Variants in PTCH1 observed in about 807,000 individuals in gnomAD.
PTCH1 encodes protein patched homolog 1.
A neutral mutation model predicts 144.6 loss-of-function variants in PTCH1; 14 were observed. The ratio of observed to expected loss-of-function variants is 0.10; its 90% CI spans 0.06 to 0.15. The LOEUF (loss-of-function observed/expected upper bound fraction) is 0.15, where lower values mean the gene tolerates loss of function less well. Among genes scored for constraint, PTCH1 ranks in the 10% least tolerant of loss-of-function variants. The pLI, the probability that PTCH1 is intolerant of heterozygous loss-of-function variation, is 1.00. For missense variants in PTCH1, 1,623 were observed against 1,948.3 expected, an observed-to-expected ratio of 0.83 and a Z score of 3.14; for synonymous variants, 833 against 793.6, an observed-to-expected ratio of 1.05 and a Z score of -0.83.
rs1554687587 is a variant in PTCH1, at chr9:95,445,644, G to GAAAT, written c.*748_*749insATTT. The GAAAT allele has an allele frequency of 7.0e-3, 1,072 of 152,422 alleles. 8 individuals carry two copies. The highest frequency in any genetic ancestry group is 0.029 in the East Asian group (152 of 5,180). 9.4% of individuals were successfully genotyped at this position (152,422 alleles called of 1,614,324 possible). A position where few individuals can be genotyped will look rare whatever the true frequency, so the allele number is the denominator to read the frequency against. The stretch of plus-strand genomic sequence containing the variant: ...GTTTAGGGCCAGCCCTCACCAGCAC[G>GAAAT]AAGAAAAGATATCCTGACGCTTCCA... On this transcript the variant is annotated 3_prime_UTR_variant, in exon 24 of 24. Transcript: ENST00000331920.
At chr9:95,515,802 C>T (rs1844337270) in intron 1 of PTCH1, among the ~76,000 whole-genome samples, 1 of 152,236 alleles carries the variant, frequency 6.6e-6, no homozygotes, top group Non-Finnish European at 1.5e-5. Flanking sequence ...CCAAAAGCCT[C>T]TCTGGCCCTT....
chr9:95,452,307 A>G (rs1321528646), intron 20 of PTCH1: 1 of 140,526 alleles, frequency 7.1e-6, no homozygotes, highest in Non-Finnish European at 1.5e-5. Context: ...ACTTGAAGAT[A>G]AGAAGCGTAT....
intron 2 of PTCH1, among the ~76,000 whole-genome samples, chr9:95,489,540 G>A (rs769286536): frequency 1.1e-4 from 16 of 151,988 alleles, no homozygotes; most frequent in African/African-American, 3.1e-4. Context: ...GGGTAGATAC[G>A]GGGGCCTCAC....
intron 20 of PTCH1, 116 bp from the exon 21 acceptor site, chr9:95,450,056 G>T: frequency 1.1e-6 from 1 of 923,652 alleles, no homozygotes; most frequent in Non-Finnish European, 1.7e-6. Flanking sequence ...CCACCCCACT[G>T]AAAAGGCTGT....
intron 19 of PTCH1, 142 bp from the exon 20 acceptor site, chr9:95,453,762 A>T (rs1389298700): frequency 9.0e-7 from 1 of 1,107,350 alleles, no homozygotes; most frequent in Non-Finnish European, 1.3e-6. Context: ...GAGTAGCTCA[A>T]CTAGCAGCAC....
intron 12 of PTCH1, among the ~76,000 whole-genome samples, chr9:95,474,960 T>C (rs1237150277): frequency 1.3e-5 from 2 of 152,040 alleles, no homozygotes; most frequent in Non-Finnish European, 2.9e-5. Context: ...GAATTAGACA[T>C]CATATCATCA....
Position 95,507,203 on chromosome 9 carries a change from A to C in PTCH1, c.202-604T>G, listed in dbSNP as rs1055208790. On this transcript the variant is annotated intron_variant, in intron 1 of 23. Coordinates refer to ENST00000331920, the MANE Select transcript of PTCH1 (RefSeq NM_000264.5). ...GAGAGGCTGTGTGAGCTGAATTAGG[A>C]AGTGGGGCAGCCAGCTGCAACTTAC... 5.1e-6 allele frequency: 5 copies of C among 985,422 alleles called. No homozygotes were observed. The African/African-American group carries it at 8.7e-5, about 17-fold the overall frequency. 61.0% of individuals were successfully genotyped at this position (985,422 alleles called of 1,614,324 possible). A position where few individuals can be genotyped will look rare whatever the true frequency, so the allele number is the denominator to read the frequency against.
At chr9:95,461,714 C>A in intron 16 of PTCH1, 142 bp downstream of exon 16, 1 of 1,180,860 alleles carries the variant, frequency 8.5e-7, no homozygotes. Flanking sequence ...GAATTAGAGT[C>A]ACCCAATATT....
chr9:95,466,055 A>C (rs1839968048), intron 15 of PTCH1, among the ~76,000 whole-genome samples: 1 of 152,092 alleles, frequency 6.6e-6, no homozygotes, highest in Admixed American at 6.5e-5. Context: ...TTATTTATTT[A>C]TTATTTTTGG....
At chr9:95,494,065 C>G (rs1004748139) in intron 2 of PTCH1, among the ~76,000 whole-genome samples, 4 of 151,970 alleles carry the variant, frequency 2.6e-5, no homozygotes, top group Admixed American at 2.0e-4. Flanking sequence ...GACACCCCCA[C>G]CTGCCCACGG....
chr9:95,465,498 TTAA>T (rs551022486), intron 15 of PTCH1, among the ~76,000 whole-genome samples: 4 of 152,322 alleles, frequency 2.6e-5, no homozygotes, highest in Admixed American at 2.6e-4. Context: ...CAGGAGGGTG[TTAA>T]TAAATAATAA....
intron 2 of PTCH1, among the ~76,000 whole-genome samples, chr9:95,487,741 C>A (rs946988437): frequency 6.6e-6 from 1 of 152,244 alleles, no homozygotes; most frequent in Non-Finnish European, 1.5e-5. Flanking sequence ...CCCATTGTTA[C>A]TGCCTCCTCG....
At chr9:95,485,362 C>T (rs1031812492) in intron 3 of PTCH1, among the ~76,000 whole-genome samples, 1 of 152,156 alleles carries the variant, frequency 6.6e-6, no homozygotes, top group African/African-American at 2.4e-5. Context: ...CAAAATATCA[C>T]TCTCCAAAAA....
At chr9:95,480,219 A>G in intron 6 of PTCH1, 129 bp from the exon 7 acceptor site, 2 of 1,538,088 alleles carry the variant, frequency 1.3e-6, no homozygotes, top group East Asian at 2.3e-5. Flanking sequence ...TGGGAGGTGT[A>G]TGGCAAATCT....
intron 2 of PTCH1, among the ~76,000 whole-genome samples, chr9:95,498,695 C>T (rs1207775125): frequency 1.3e-5 from 2 of 152,176 alleles, no homozygotes; most frequent in Non-Finnish European, 2.9e-5. Flanking sequence ...TTATCATAAG[C>T]ACCCAAATTC....
rs772368023 is a variant in PTCH1, at chr9:95,485,748, G to C, written c.521C>G (p.Ala174Gly). 6.2e-7 allele frequency: 1 copy of C among 1,614,172 alleles called. No individual in the cohort carries two copies. Among genetic ancestry groups the C allele is most frequent in the South Asian group, 1.1e-5 (1 of 91,070 alleles). Reference sequence around the variant, plus strand: ...TGCCGAGTCCAGGTGTTGTAGGAGCGCTTCTGTGGTCAGGACATTAGCACC... The same window carrying C: ...TGCCGAGTCCAGGTGTTGTAGGAGCCCTTCTGTGGTCAGGACATTAGCACC... ...EEGANVLTTEALLQHLDSALQ... is the reference protein window; with the variant it reads ...EEGANVLTTEGLLQHLDSALQ... Residue 174 changes from alanine to glycine, a missense_variant, in exon 3 of 24, where the codon GCG (alanine) becomes GGG (glycine). Physicochemically the swap from Ala to Gly is moderately conservative, Grantham distance 60. This residue lies in a region of PTCH1 where 245 missense variants were observed against 240.6 expected (regional missense o/e 1.02). Transcript: ENST00000331920.
chr9:95,471,091 A>AAAAAG (rs1180409921), intron 12 of PTCH1, among the ~76,000 whole-genome samples: 6 of 119,990 alleles, frequency 5.0e-5, no homozygotes, highest in African/African-American at 2.1e-4. Context: ...TCAAAAAAAA[A>AAAAAG]AAAGAAAGAA....
At chr9:95,513,303 A>G (rs543717159), upstream of PTCH1, among the ~76,000 whole-genome samples, 55 of 152,326 alleles carry the variant, frequency 3.6e-4, 1 homozygote, top group South Asian at 0.011. Flanking sequence ...CAGAGTATAA[A>G]TGAATAAAGG....
intron 12 of PTCH1, among the ~76,000 whole-genome samples, chr9:95,470,823 C>G (rs1840499923): frequency 6.6e-6 from 1 of 151,982 alleles, no homozygotes; most frequent in South Asian, 2.1e-4. Context: ...GCCTATAATC[C>G]CAGCACTTTG....
Sources: allele counts gnomAD v4.1 joint callset (sites outside exome capture counted in the v4.1 genomes callset), GRCh38; gene constraint gnomAD v4.1.1; regional missense constraint gnomAD v4.1.1; transcripts MANE v1.5; gene names NCBI Gene and HGNC (gene_info 2026-07-23, HGNC 2026-07-21).